The following RERG variants were observed in gnomAD, a reference collection of about 807,000 sequenced individuals.
RERG encodes the protein RAS like estrogen regulated growth inhibitor.
In RERG, 25 loss-of-function variants were observed where a neutral mutation model predicts 23.2. The observed-to-expected ratio is 1.08, with a 90% CI of 0.79 to 1.50. The LOEUF is 1.50. Ranked by LOEUF, RERG falls within the 40% of genes most tolerant of loss-of-function variation. RERG has a pLI of 0.00. For synonymous variants in RERG, 81 were observed against 89.1 expected (o/e 0.91, Z 0.51); for missense variants, 253 against 250.1 (o/e 1.01, Z -0.08).
Position 15,108,164 on chromosome 12 carries a change from A to C in RERG, c.*946T>G, listed in dbSNP as rs1344483198. On this transcript the variant is annotated 3_prime_UTR_variant, in exon 5 of 5. Transcript: ENST00000256953. ...AAAATATCAAAATAAGTCATGTGGC[A>C]AACTTAATGAATCAGAGGCTAATTT... 1 of 152,340 alleles carries C rather than the reference A, an allele frequency of 6.6e-6. No individual in the cohort carries two copies. The highest frequency in any genetic ancestry group is 1.5e-5 in the Non-Finnish European group (1 of 68,034). 9.4% of individuals were successfully genotyped at this position (152,340 alleles called of 1,614,324 possible). A position where few individuals can be genotyped will look rare whatever the true frequency, so the allele number is the denominator to read the frequency against.
intron 2 of RERG, among the ~76,000 whole-genome samples, chr12:15,184,778 G>A (rs1005054074): frequency 2.6e-5 from 4 of 152,190 alleles, no homozygotes; most frequent in African/African-American, 9.6e-5. Context: ...AACATTTTAA[G>A]AAGGTCAGCC....
chr12:15,121,950 A>G (rs1863839467), intron 2 of RERG, among the ~76,000 whole-genome samples: 2 of 152,116 alleles, frequency 1.3e-5, no homozygotes, highest in Non-Finnish European at 2.9e-5. Context: ...TGTGGACTCT[A>G]TTGTCCTTAT....
intron 2 of RERG, among the ~76,000 whole-genome samples, chr12:15,152,543 A>G (rs1475763020): frequency 6.6e-6 from 1 of 152,176 alleles, no homozygotes; most frequent in Admixed American, 6.5e-5. Flanking sequence ...CCAAGATAGG[A>G]CACAGTAGGA....
At position 15,109,478 on chromosome 12, in the gene RERG, C is replaced by T. The variant is rs1863563175; in HGVS notation, c.232G>A (p.Glu78Lys). ...IQREGHMRWGEGFVLVYDITD... is the reference protein window; with the variant it reads ...IQREGHMRWGKGFVLVYDITD... ...ATGTCGTAGACCAGCACAAAGCCTT[C>T]CCCCCATCGCATGTGCCCCTCCCTC... is the stretch of plus-strand genomic sequence containing the variant. Residue 78 changes from glutamate to lysine, a missense_variant, in exon 5 of 5, where the codon GAA (glutamate) becomes AAA (lysine). By Grantham distance (56) the Glu-to-Lys change is moderately conservative. Coordinates refer to ENST00000256953, the MANE Select transcript of RERG (RefSeq NM_032918.3). 5 of 1,611,570 alleles carry T rather than the reference C, an allele frequency of 3.1e-6. No individual in the cohort carries two copies. The highest frequency in any genetic ancestry group is 4.2e-6 in the Non-Finnish European group (5 of 1,178,538).
intron 2 of RERG, among the ~76,000 whole-genome samples, chr12:15,197,072 T>C (rs927649943): frequency 2.6e-5 from 4 of 152,186 alleles, no homozygotes; most frequent in East Asian, 1.9e-4. Flanking sequence ...TTCTGCTTAA[T>C]ACTTACAATG....
At chr12:15,206,098 A>G (rs1292278740) in intron 2 of RERG, among the ~76,000 whole-genome samples, 1 of 152,116 alleles carries the variant, frequency 6.6e-6, no homozygotes, top group Admixed American at 6.6e-5. Flanking sequence ...CTTACCATGC[A>G]ATCTAGCTCA....
chr12:15,189,393 A>T (rs1273020075), intron 2 of RERG, among the ~76,000 whole-genome samples: 1 of 152,134 alleles, frequency 6.6e-6, no homozygotes, highest in East Asian at 1.9e-4. Flanking sequence ...TTTTCCTAAA[A>T]TACATTTGTC....
intron 3 of RERG, among the ~76,000 whole-genome samples, chr12:15,112,665 C>G (rs558900282): frequency 4.5e-4 from 68 of 152,272 alleles, no homozygotes; most frequent in African/African-American, 1.5e-3. Context: ...TTGAGGAACT[C>G]TCCCAGAAGT....
chr12:15,165,758 G>C (rs1864677360), intron 2 of RERG, among the ~76,000 whole-genome samples: 1 of 152,136 alleles, frequency 6.6e-6, no homozygotes, highest in African/African-American at 2.4e-5. Context: ...TCCAATTATG[G>C]CACATTTTTA....
At chr12:15,144,568 T>C (rs1864297777) in intron 2 of RERG, among the ~76,000 whole-genome samples, 2 of 152,206 alleles carry the variant, frequency 1.3e-5, no homozygotes, top group East Asian at 1.9e-4. Context: ...ATCACTTGTT[T>C]CAAATGTTGC....
Position 15,109,409 on chromosome 12 carries a change from T to C in RERG, c.301A>G (p.Ile101Val). Reference protein sequence around the residue: ...SFEEVLPLKNILDEIKKPKNV... With the variant: ...SFEEVLPLKNVLDEIKKPKNV... Reference sequence around the variant, plus strand: ...TTGGGCTTTTTGATCTCATCTAGGATGTTCTTAAGTGGCAGCACTTCCTCA... The same window carrying C: ...TTGGGCTTTTTGATCTCATCTAGGACGTTCTTAAGTGGCAGCACTTCCTCA... The change falls in exon 5 of 5, where the codon ATC (isoleucine) becomes GTC (valine). Residue 101 changes from isoleucine (I) to valine (V), a missense_variant. By Grantham distance (29) the Ile-to-Val change is conservative (BLOSUM62 3). Transcript: ENST00000256953. 6.2e-7 allele frequency: 1 copy of C among 1,613,996 alleles called. No individual in the cohort carries two copies. Among genetic ancestry groups the C allele is most frequent in the Non-Finnish European group, 8.5e-7 (1 of 1,179,954 alleles).
At chr12:15,145,073 A>G (rs1864308153) in intron 2 of RERG, among the ~76,000 whole-genome samples, 1 of 152,176 alleles carries the variant, frequency 6.6e-6, no homozygotes, top group Non-Finnish European at 1.5e-5. Flanking sequence ...ACAGATGCAA[A>G]GAGAAATCAC....
chr12:15,170,776 T>C lies in RERG; in HGVS notation c.61+46653A>G, dbSNP rs188770900. ...GCATATACTGTATCTCCTTCCAACTTAAGTTCCCAAAAGGTAAAATCACCC... is the reference window on the plus strand; with the variant it reads ...GCATATACTGTATCTCCTTCCAACTCAAGTTCCCAAAAGGTAAAATCACCC... On this transcript the variant is annotated intron_variant, in intron 2 of 4. Transcript: ENST00000256953. Among the ~76,000 whole-genome samples the C allele has an allele frequency of 4.6e-5, 7 of 152,322 alleles. No homozygotes were observed. The East Asian group carries it at 1.3e-3, about 29-fold the overall frequency.
At chr12:15,178,835 CT>C (rs1398295200) in intron 2 of RERG, among the ~76,000 whole-genome samples, 3 of 152,130 alleles carry the variant, frequency 2.0e-5, no homozygotes, top group African/African-American at 7.2e-5. Context: ...GAGATTACCC[CT>C]GTCAATATAA....
At chr12:15,216,883 A>G (rs1865446879) in intron 2 of RERG, among the ~76,000 whole-genome samples, 1 of 152,246 alleles carries the variant, frequency 6.6e-6, no homozygotes, top group African/African-American at 2.4e-5. Context: ...AATTCACTGC[A>G]GAGGCATTCG....
At chr12:15,132,340 A>C (rs1316890160) in intron 2 of RERG, among the ~76,000 whole-genome samples, 1 of 152,210 alleles carries the variant, frequency 6.6e-6, no homozygotes, top group Non-Finnish European at 1.5e-5. Context: ...TGCAATGCAC[A>C]TTTAAGGTTC....
At chr12:15,176,524 T>G (rs924102970) in intron 2 of RERG, among the ~76,000 whole-genome samples, 2 of 152,084 alleles carry the variant, frequency 1.3e-5, no homozygotes, top group Non-Finnish European at 2.9e-5. Context: ...CTGTTAAGGG[T>G]ATTATGTTTT....
intron 2 of RERG, among the ~76,000 whole-genome samples, chr12:15,167,114 C>T (rs1864706584): frequency 1.3e-5 from 2 of 152,110 alleles, no homozygotes; most frequent in African/African-American, 2.4e-5. Flanking sequence ...AAGTATAGGG[C>T]ATGTATAAAA....
chr12:15,120,955 T>G (rs1438498676), intron 3 of RERG, 108 bp downstream of exon 3: 2 of 812,700 alleles, frequency 2.5e-6, no homozygotes, highest in Non-Finnish European at 4.2e-6. Context: ...GAAAAGCACT[T>G]CCACATCAGC....
Sources: gnomAD v4.1 joint callset for allele counts (sites outside exome capture counted in the v4.1 genomes callset) on GRCh38, gnomAD v4.1.1 for gene constraint, MANE v1.5 for transcripts, NCBI Gene and HGNC (gene_info 2026-07-23, HGNC 2026-07-21) for gene names.